The following ATP9A variants were observed in gnomAD, a reference collection of about 807,000 sequenced individuals.
The protein encoded by ATP9A is probable phospholipid-transporting ATPase IIA.
A neutral mutation model predicts 144.1 loss-of-function variants in ATP9A; 52 were observed. The observed-to-expected ratio is 0.36, with a 90% CI of 0.29 to 0.45. ATP9A has a LOEUF of 0.45. ATP9A is among the 20% of genes least tolerant of loss of function. The pLI, the probability that ATP9A is intolerant of heterozygous loss-of-function variation, is 1.00. For synonymous variants in ATP9A, 582 were observed against 557.4 expected (o/e 1.04, Z -0.62); for missense variants, 947 against 1,392.7 (o/e 0.68, Z 5.09).
intron 1 of ATP9A, among the ~76,000 whole-genome samples, chr20:51,738,236 G>C (rs2077770723): frequency 6.6e-6 from 1 of 151,984 alleles, no homozygotes; most frequent in Non-Finnish European, 1.5e-5. Context: ...CACCATGTTG[G>C]TCAGGCTGGT....
chr20:51,686,790 C>T (rs1362424714), intron 9 of ATP9A, among the ~76,000 whole-genome samples: 3 of 152,060 alleles, frequency 2.0e-5, no homozygotes, highest in South Asian at 2.1e-4. Context: ...CAAAAATTAG[C>T]CAGGGGTGGT....
intron 4 of ATP9A, among the ~76,000 whole-genome samples, chr20:51,709,990 T>C (rs762776519): frequency 8.5e-5 from 13 of 152,054 alleles, no homozygotes; most frequent in Non-Finnish European, 1.8e-4. Context: ...CAAAATACTG[T>C]TGAAAAGAAC....
At chr20:51,760,840 T>G (rs566665413) in intron 1 of ATP9A, among the ~76,000 whole-genome samples, 1 of 151,516 alleles carries the variant, frequency 6.6e-6, no homozygotes, top group Non-Finnish European at 1.5e-5. Flanking sequence ...CTGGTCAACA[T>G]GGTGAAACCC....
chr20:51,704,218 A>C, intron 4 of ATP9A, among the ~76,000 whole-genome samples: 1 of 150,908 alleles, frequency 6.6e-6, no homozygotes, highest in East Asian at 1.9e-4. Context: ...GTTTAAATGT[A>C]ACAAGTTTAT....
chr20:51,689,046 C>T lies in ATP9A; in HGVS notation c.799+18G>A, dbSNP rs1475841041. On this transcript the variant is annotated intron_variant, in intron 9 of 27. Transcript: ENST00000338821. ...TCCTTTTCAAATTGCTACCACATTC[C>T]TCAAAACGGCGCCTCACCTGATGCG... 3.7e-6 allele frequency: 6 copies of T among 1,612,730 alleles called. No individual in the cohort carries two copies. The South Asian group carries it at 6.6e-5, about 18-fold the overall frequency.
intron 9 of ATP9A, among the ~76,000 whole-genome samples, chr20:51,677,255 A>G (rs2122796778): frequency 6.6e-6 from 1 of 152,238 alleles, no homozygotes; most frequent in South Asian, 2.1e-4. Context: ...CTATGAGAAC[A>G]TCAAAGGTTT....
At chr20:51,684,783 G>C (rs890409815) in intron 9 of ATP9A, among the ~76,000 whole-genome samples, 5 of 151,522 alleles carry the variant, frequency 3.3e-5, no homozygotes, top group Non-Finnish European at 5.9e-5. Flanking sequence ...GGCTGAGACA[G>C]GTGGGTCACG....
intron 4 of ATP9A, among the ~76,000 whole-genome samples, chr20:51,709,352 TA>T (rs1487727272): frequency 6.6e-5 from 10 of 151,976 alleles, no homozygotes; most frequent in African/African-American, 2.4e-4. Context: ...CCGTCTCTAC[TA>T]AAAATACAAA....
intron 4 of ATP9A, among the ~76,000 whole-genome samples, chr20:51,702,913 T>C (rs529072770): frequency 3.2e-4 from 48 of 152,182 alleles, no homozygotes; most frequent in Non-Finnish European, 6.2e-4. Context: ...GAACTCTCCC[T>C]ACAATTGATC....
chr20:51,616,469 C>G (rs895532787), intron 22 of ATP9A, among the ~76,000 whole-genome samples: 2 of 152,172 alleles, frequency 1.3e-5, no homozygotes, highest in African/African-American at 2.4e-5. Flanking sequence ...CAGGCATGTG[C>G]CACCACATCT....
intron 10 of ATP9A, among the ~76,000 whole-genome samples, chr20:51,675,609 A>G (rs1220798827): frequency 6.6e-6 from 1 of 152,156 alleles, no homozygotes; most frequent in Non-Finnish European, 1.5e-5. Context: ...GCTGGGCGCC[A>G]TGGCTCACGC....
At chr20:51,628,138 G>C (rs2077257295) in intron 16 of ATP9A, among the ~76,000 whole-genome samples, 4 of 152,206 alleles carry the variant, frequency 2.6e-5, no homozygotes, top group Admixed American at 2.6e-4. Context: ...GTGCAACTCT[G>C]CTCAAAATCA....
chr20:51,650,912 C>G (rs578187085), intron 14 of ATP9A, among the ~76,000 whole-genome samples: 7 of 151,676 alleles, frequency 4.6e-5, no homozygotes, highest in African/African-American at 1.7e-4. Context: ...TACACACACA[C>G]ACACACACAC....
chr20:51,644,865 G>A (rs1351246647), intron 14 of ATP9A, among the ~76,000 whole-genome samples: 2 of 152,032 alleles, frequency 1.3e-5, no homozygotes, highest in Admixed American at 1.3e-4. Context: ...TATGTGAAAA[G>A]TCTGTGATAC....
intron 22 of ATP9A, among the ~76,000 whole-genome samples, chr20:51,617,020 CA>C (rs2077205970): frequency 6.7e-6 from 1 of 150,254 alleles, no homozygotes; most frequent in African/African-American, 2.5e-5. Flanking sequence ...CGGCTTACTG[CA>C]ACCTCTGCCT....
chr20:51,639,015 GATTA>G (rs1276744108), intron 15 of ATP9A, among the ~76,000 whole-genome samples: 1 of 150,396 alleles, frequency 6.6e-6, no homozygotes, highest in Non-Finnish European at 1.5e-5. Flanking sequence ...ACTTTAAAAT[GATTA>G]TATTATGTGA....
At chr20:51,752,012 C>G (rs142774722) in intron 1 of ATP9A, among the ~76,000 whole-genome samples, 304 of 150,300 alleles carry the variant, frequency 2.0e-3, no homozygotes, top group Non-Finnish European at 3.5e-3. Context: ...ACTGCTCTCA[C>G]AGAGCCTACA....
At chr20:51,721,595 C>A (rs924549568) in intron 3 of ATP9A, among the ~76,000 whole-genome samples, 1 of 151,962 alleles carries the variant, frequency 6.6e-6, no homozygotes, top group African/African-American at 2.4e-5. Context: ...GTCAGGAGAT[C>A]GAGACCATCC....
At chr20:51,638,071 T>TA (rs58144454) in intron 15 of ATP9A, among the ~76,000 whole-genome samples, 711 of 34,166 alleles carry the variant, frequency 0.021, 119 homozygotes, top group Middle Eastern at 0.062. Flanking sequence ...TTTCATCATT[T>TA]TATATATATA....
Sources: gnomAD v4.1 joint callset for allele counts (sites outside exome capture counted in the v4.1 genomes callset) on GRCh38, gnomAD v4.1.1 for gene constraint, MANE v1.5 for transcripts, NCBI Gene and HGNC (gene_info 2026-07-23, HGNC 2026-07-21) for gene names.